The following TIAM2 variants were observed in gnomAD, a reference collection of about 807,000 sequenced individuals.
The protein encoded by TIAM2 is rho guanine nucleotide exchange factor TIAM2.
In TIAM2, 80 loss-of-function variants were observed where a neutral mutation model predicts 152.9. The observed-to-expected ratio is 0.52, with a 90% CI of 0.44 to 0.63. TIAM2 has a LOEUF of 0.63. Among genes scored for constraint, TIAM2 ranks in the 30% least tolerant of loss-of-function variants. TIAM2 has a pLI of 0.00. For synonymous variants in TIAM2, 804 were observed against 838.0 expected (o/e 0.96, Z 0.70); for missense variants, 1,965 against 2,120.1 (o/e 0.93, Z 1.44).
At chr6:155,105,046 TC>T (rs1268979590) in intron 2 of TIAM2, among the ~76,000 whole-genome samples, 2 of 152,046 alleles carry the variant, frequency 1.3e-5, no homozygotes, top group Admixed American at 1.3e-4. Flanking sequence ...AGCCTTGACC[TC>T]CCCAGGCTCA....
chr6:155,003,950 T>C (rs1427804161), intron 1 of TIAM2, among the ~76,000 whole-genome samples: 3 of 152,182 alleles, frequency 2.0e-5, no homozygotes, highest in Admixed American at 1.3e-4. Context: ...GGAGCGAGAC[T>C]CCATCTCTCC....
At chr6:155,224,967 G>A (rs1304796004) in intron 15 of TIAM2, among the ~76,000 whole-genome samples, 3 of 152,138 alleles carry the variant, frequency 2.0e-5, no homozygotes, top group Non-Finnish European at 4.4e-5. Flanking sequence ...TTGTTTGTTT[G>A]TTTGTTTGAG....
rs1783459430 is a variant in TIAM2, at chr6:155,248,386, A to G, written c.3832+207A>G. On this transcript the variant is annotated intron_variant, in intron 20 of 26. Transcript: ENST00000682666. Reference sequence around the variant, plus strand: ...GGCACTCCTTTAGAGCTTACAAAATACTTGGGTAGAAATGATCTCATCCGG... The same window carrying G: ...GGCACTCCTTTAGAGCTTACAAAATGCTTGGGTAGAAATGATCTCATCCGG... 2.0e-5 allele frequency among the ~76,000 whole-genome samples: 3 copies of G among 152,344 alleles called. No individual in the cohort carries two copies. The South Asian group carries it at 6.2e-4, about 32-fold the overall frequency.
chr6:155,088,812 T>C lies in TIAM2; in HGVS notation c.-208-1477T>C, dbSNP rs140632277. Among the ~76,000 whole-genome samples, 413 of 152,338 alleles carry C rather than the reference T, an allele frequency of 2.7e-3. 2 individuals are homozygous for C. Among genetic ancestry groups the C allele is most frequent in the African/African-American group, 9.2e-3 (384 of 41,570 alleles). On this transcript the variant is annotated intron_variant, in intron 1 of 26. Transcript: ENST00000682666. Reference sequence around the variant, plus strand: ...ATTATTAGACCTTTTTTGCAATTTTTTTTAAAAGCTCATCAGCTATCATTA... The same window carrying C: ...ATTATTAGACCTTTTTTGCAATTTTCTTTAAAAGCTCATCAGCTATCATTA...
chr6:155,224,001 G>C (rs985768729), intron 15 of TIAM2, among the ~76,000 whole-genome samples: 1 of 152,186 alleles, frequency 6.6e-6, no homozygotes, highest in Non-Finnish European at 1.5e-5. Context: ...AGGGGGGTGG[G>C]TGTAGTGTCG....
At chr6:155,081,249 G>T (rs1255922700) in intron 1 of TIAM2, among the ~76,000 whole-genome samples, 1 of 152,024 alleles carries the variant, frequency 6.6e-6, no homozygotes, top group Non-Finnish European at 1.5e-5. Flanking sequence ...GAAATGACTG[G>T]CATCTCCATC....
intron 14 of TIAM2, among the ~76,000 whole-genome samples, chr6:155,207,593 G>A (rs1048323094): frequency 1.3e-5 from 2 of 152,210 alleles, no homozygotes; most frequent in African/African-American, 4.8e-5. Flanking sequence ...AGTGGGAGCT[G>A]GTTCCTTTGG....
chr6:155,050,191 C>T (rs1426752969), intron 1 of TIAM2, among the ~76,000 whole-genome samples: 1 of 152,104 alleles, frequency 6.6e-6, no homozygotes, highest in East Asian at 1.9e-4. Flanking sequence ...GCCACCATGC[C>T]TGACTAATTT....
At chr6:155,226,998 G>A (rs1352068814) in intron 15 of TIAM2, among the ~76,000 whole-genome samples, 2 of 152,202 alleles carry the variant, frequency 1.3e-5, no homozygotes, top group Non-Finnish European at 2.9e-5. Flanking sequence ...GTATGTGCTC[G>A]GAGAGTGGGA....
At chr6:155,162,193 A>G (rs570157765) in intron 7 of TIAM2, among the ~76,000 whole-genome samples, 54 of 152,236 alleles carry the variant, frequency 3.5e-4, no homozygotes, top group Non-Finnish European at 6.3e-4. Context: ...CCTGGGCTCA[A>G]GCAGTCTGCC....
At chr6:155,061,255 AGACTT>A (rs1425757254) in intron 1 of TIAM2, among the ~76,000 whole-genome samples, 2 of 151,988 alleles carry the variant, frequency 1.3e-5, no homozygotes, top group African/African-American at 4.8e-5. Flanking sequence ...ATCACTGACT[AGACTT>A]TATATTTCTG....
At chr6:155,198,802 A>G (rs1781412481) in intron 14 of TIAM2, among the ~76,000 whole-genome samples, 1 of 152,096 alleles carries the variant, frequency 6.6e-6, no homozygotes, top group Non-Finnish European at 1.5e-5. Context: ...AATCTGATGC[A>G]AGGGAATGGT....
At chr6:155,031,362 T>G (rs1776817173) in intron 1 of TIAM2, among the ~76,000 whole-genome samples, 1 of 152,200 alleles carries the variant, frequency 6.6e-6, no homozygotes, top group Non-Finnish European at 1.5e-5. Context: ...TTTGCTATTA[T>G]TTTATAATTT....
At chr6:155,132,882 G>C (rs545274648) in intron 4 of TIAM2, among the ~76,000 whole-genome samples, 4 of 152,312 alleles carry the variant, frequency 2.6e-5, no homozygotes, top group African/African-American at 9.6e-5. Flanking sequence ...GTTCCCACTT[G>C]GTTCAGATGT....
chr6:155,004,524 G>A (rs1778366409), intron 1 of TIAM2, among the ~76,000 whole-genome samples: 2 of 152,062 alleles, frequency 1.3e-5, no homozygotes, highest in South Asian at 4.2e-4. Context: ...CCGAGTAGCT[G>A]GGACTTGTTA....
At chr6:155,007,046 C>G (rs1778413448) in intron 1 of TIAM2, among the ~76,000 whole-genome samples, 1 of 152,174 alleles carries the variant, frequency 6.6e-6, no homozygotes, top group Non-Finnish European at 1.5e-5. Context: ...GGCTGGTCTA[C>G]TAGGATTACA....
intron 9 of TIAM2, among the ~76,000 whole-genome samples, chr6:155,170,518 T>C (rs1046380582): frequency 6.6e-6 from 1 of 152,108 alleles, no homozygotes; most frequent in Admixed American, 6.6e-5. Flanking sequence ...GGAGGATTGC[T>C]TGAGCCTGGG....
chr6:155,238,897 A>G (rs1449810478), intron 15 of TIAM2, among the ~76,000 whole-genome samples: 1 of 152,226 alleles, frequency 6.6e-6, no homozygotes, highest in Non-Finnish European at 1.5e-5. Flanking sequence ...AAGACTAGCC[A>G]GAGATCAATG....
At chr6:155,192,201 C>T (rs1781223244) in intron 14 of TIAM2, among the ~76,000 whole-genome samples, 1 of 152,124 alleles carries the variant, frequency 6.6e-6, no homozygotes, top group South Asian at 2.1e-4. Context: ...CCCTTACAGC[C>T]TCCAGATAGA....
Sources: allele counts gnomAD v4.1 joint callset (sites outside exome capture counted in the v4.1 genomes callset), GRCh38; gene constraint gnomAD v4.1.1; transcripts MANE v1.5; gene names NCBI Gene and HGNC (gene_info 2026-07-23, HGNC 2026-07-21).